The following CHMP3 variants were observed in gnomAD, a reference collection of about 807,000 sequenced individuals.
CHMP3 encodes the protein charged multivesicular body protein 3, also known as 25.1 protein.
Under a neutral mutation model 27.4 loss-of-function variants are expected in CHMP3, and 8 were observed. That is an observed-to-expected ratio of 0.29 (90% confidence interval 0.17 to 0.53). The LOEUF (loss-of-function observed/expected upper bound fraction) is 0.53. Ranked by LOEUF, CHMP3 falls within the 20% of genes least tolerant of loss-of-function variation. The pLI is 0.96. For synonymous variants in CHMP3, 86 were observed against 85.5 expected (o/e 1.01, Z -0.03); for missense variants, 208 against 271.5 (o/e 0.77, Z 1.64).
intron 3 of CHMP3, 93 bp from the exon 4 acceptor site, chr2:86,510,572 A>G: frequency 1.3e-6 from 2 of 1,533,800 alleles, no homozygotes; most frequent in Non-Finnish European, 1.8e-6. Context: ...TGACAGCAGT[A>G]GCAGATGGAC....
At chr2:86,540,951 A>G (rs2103981377) in intron 2 of CHMP3, 1 of 151,496 alleles carries the variant, frequency 6.6e-6, no homozygotes, top group South Asian at 2.1e-4. Context: ...TGGCCACTGT[A>G]TATGTTTCAT....
rs913308843 is a variant in CHMP3, at chr2:86,552,001, G to A, written c.46-9689C>T. Among the ~76,000 whole-genome samples, 3 of 152,266 alleles carry A rather than the reference G, an allele frequency of 2.0e-5. No individual in the cohort carries two copies. In the South Asian group the frequency reaches 6.2e-4, roughly 32 times the overall value. Reference sequence around the variant, plus strand: ...ACCACTGCATCTTGGAGAAATGGCCGATTTCAGGTCTCAGGCTAGGAATTC... The same window carrying A: ...ACCACTGCATCTTGGAGAAATGGCCAATTTCAGGTCTCAGGCTAGGAATTC... On this transcript the variant is annotated intron_variant, in intron 1 of 5. Transcript: ENST00000263856.
intron 3 of CHMP3, among the ~76,000 whole-genome samples, chr2:86,514,496 G>C (rs1342509530): frequency 6.6e-6 from 1 of 152,144 alleles, no homozygotes; most frequent in Non-Finnish European, 1.5e-5. Flanking sequence ...TAAGACCACA[G>C]TGGATTCACA....
At chr2:86,510,222 C>A (rs1675045841) in intron 4 of CHMP3, 136 bp downstream of exon 4, 3 of 1,352,306 alleles carry the variant, frequency 2.2e-6, no homozygotes, top group Admixed American at 2.5e-5. Context: ...TCAATGTTAA[C>A]AGCTACTCCT....
chr2:86,530,417 C>T (rs1180497338), intron 2 of CHMP3, among the ~76,000 whole-genome samples: 1 of 152,198 alleles, frequency 6.6e-6, no homozygotes, highest in Non-Finnish European at 1.5e-5. Context: ...TTTTACTACC[C>T]TTGGTACTTC....
chr2:86,533,947 G>A (rs1426625051), intron 2 of CHMP3, among the ~76,000 whole-genome samples: 5 of 152,052 alleles, frequency 3.3e-5, no homozygotes, highest in African/African-American at 1.2e-4. Flanking sequence ...TCACCCATTG[G>A]TTAAGAATGT....
In CHMP3 at chr2:86,521,287, G is replaced by A. The variant is rs369326538; in HGVS notation, c.286+7931C>T. ...TTTGGTGGTCTCTTCACATGGACGC[G>A]CATGAAAACTATATAAGAGCTTGGA... On this transcript the variant is annotated intron_variant, in intron 3 of 5. Transcript: ENST00000263856. 2.4e-4 allele frequency among the ~76,000 whole-genome samples: 36 copies of A among 152,148 alleles called. 4 individuals carry two copies. Among genetic ancestry groups the A allele is most frequent in the East Asian group, 1.5e-3 (8 of 5,180 alleles).
At chr2:86,560,036 C>T (rs1184767203) in intron 1 of CHMP3, among the ~76,000 whole-genome samples, 4 of 152,136 alleles carry the variant, frequency 2.6e-5, no homozygotes, top group Admixed American at 6.5e-5. Flanking sequence ...GAGGCCAAGG[C>T]GGGCAGATCA....
At chr2:86,554,292 T>C (rs1046339510) in intron 1 of CHMP3, among the ~76,000 whole-genome samples, 12 of 152,248 alleles carry the variant, frequency 7.9e-5, no homozygotes, top group African/African-American at 2.9e-4. Flanking sequence ...TAACCACTGC[T>C]ATTACTTCTA....
chr2:86,542,121 G>T, intron 2 of CHMP3, 131 bp downstream of exon 2: 1 of 920,110 alleles, frequency 1.1e-6, no homozygotes, highest in Non-Finnish European at 1.6e-6. Context: ...AGCAAAATCA[G>T]TCAGACAGCT....
At chr2:86,555,039 G>C (rs548304999) in intron 1 of CHMP3, among the ~76,000 whole-genome samples, 1 of 151,928 alleles carries the variant, frequency 6.6e-6, no homozygotes, top group South Asian at 2.1e-4. Flanking sequence ...GTAGAGACGG[G>C]GTTTCACTAT....
chr2:86,508,540 A>G (rs1275588886), intron 4 of CHMP3, among the ~76,000 whole-genome samples: 1 of 151,100 alleles, frequency 6.6e-6, no homozygotes, highest in African/African-American at 2.4e-5. Flanking sequence ...AGTTGCTAGA[A>G]AAAGAAAATC....
chr2:86,527,987 G>A (rs1675780663), intron 3 of CHMP3, among the ~76,000 whole-genome samples: 1 of 151,896 alleles, frequency 6.6e-6, no homozygotes, highest in Non-Finnish European at 1.5e-5. Flanking sequence ...ATAAATAAAA[G>A]ATAATCTTGA....
At chr2:86,537,155 G>A (rs750915712) in intron 2 of CHMP3, among the ~76,000 whole-genome samples, 6 of 152,158 alleles carry the variant, frequency 3.9e-5, no homozygotes, top group Non-Finnish European at 7.4e-5. Context: ...GTTAGCCATT[G>A]CACCCAGTCT....
At chr2:86,544,975 TCCTCACCTCCCAGACGAAGGGCGGCC>T in intron 1 of CHMP3, among the ~76,000 whole-genome samples, 2 of 106,088 alleles carry the variant, frequency 1.9e-5, no homozygotes, top group East Asian at 3.9e-4. Flanking sequence ...GCAGAGGCGC[TCCTCACCTCCCAGACGAAGGGCGGCC>T]GGGCAGAGGC....
chr2:86,514,845 G>A (rs781019841), intron 3 of CHMP3, among the ~76,000 whole-genome samples: 7 of 152,042 alleles, frequency 4.6e-5, no homozygotes, highest in African/African-American at 9.7e-5. Flanking sequence ...GCTTAAAAAT[G>A]GTTAAAATGG....
At chr2:86,533,445 G>A (rs1025307055) in intron 2 of CHMP3, among the ~76,000 whole-genome samples, 1 of 151,488 alleles carries the variant, frequency 6.6e-6, no homozygotes, top group African/African-American at 2.4e-5. Context: ...CCTTCTGCTA[G>A]ATTTGGGTTG....
chr2:86,558,382 T>G (rs1021335455), intron 1 of CHMP3, among the ~76,000 whole-genome samples: 3 of 152,226 alleles, frequency 2.0e-5, no homozygotes, highest in African/African-American at 7.2e-5. Context: ...GCTCCTAACA[T>G]AGTTAATGTT....
chr2:86,509,237 C>G (rs1039324182), intron 4 of CHMP3, among the ~76,000 whole-genome samples: 1 of 152,138 alleles, frequency 6.6e-6, no homozygotes, highest in Non-Finnish European at 1.5e-5. Context: ...AATGAGCAAG[C>G]CTGAAGGCAC....
Sources: gnomAD v4.1 joint callset for allele counts (sites outside exome capture counted in the v4.1 genomes callset) on GRCh38, gnomAD v4.1.1 for gene constraint, MANE v1.5 for transcripts, NCBI Gene and HGNC (gene_info 2026-07-23, HGNC 2026-07-21) for gene names.